The following POC1B variants were observed in gnomAD, a reference collection of about 807,000 sequenced individuals.
The protein encoded by POC1B is POC1 centriolar protein homolog B.
POC1B carries 44 observed loss-of-function variants against 60.6 expected under a neutral mutation model. That is an observed-to-expected ratio of 0.73 (90% CI 0.57 to 0.93). POC1B has a LOEUF of 0.93. Among genes scored for constraint, POC1B ranks in the 40% least tolerant of loss-of-function variants. POC1B has a pLI of 0.00. For synonymous variants in POC1B, 180 were observed against 198.9 expected (o/e 0.90, Z 0.80); for missense variants, 555 against 572.3 (o/e 0.97, Z 0.31).
intron 10 of POC1B, among the ~76,000 whole-genome samples, chr12:89,433,708 G>A (rs913819275): frequency 6.6e-6 from 1 of 152,134 alleles, no homozygotes; most frequent in Middle Eastern, 3.2e-3. Context: ...AGAGTGGGAG[G>A]CTTTACACTA....
At chr12:89,519,373 T>C (rs1484644469) in intron 2 of POC1B, 3 of 152,194 alleles carry the variant, frequency 2.0e-5, no homozygotes, top group Non-Finnish European at 2.9e-5. Flanking sequence ...AATGTATACA[T>C]AGGAGTATGT....
intron 2 of POC1B, chr12:89,501,726 T>C (rs893319595): frequency 5.4e-6 from 5 of 927,032 alleles, no homozygotes; most frequent in East Asian, 4.8e-5. Flanking sequence ...GTCCTGTTTA[T>C]AGCAATTCTT....
At chr12:89,440,449 T>C (rs1195892202) in intron 10 of POC1B, among the ~76,000 whole-genome samples, 1 of 152,176 alleles carries the variant, frequency 6.6e-6, no homozygotes, top group African/African-American at 2.4e-5. Context: ...TATCCCACCT[T>C]GGTGTGAGGA....
chr12:89,480,633 A>G (rs1384177459), intron 4 of POC1B, among the ~76,000 whole-genome samples: 1 of 114,110 alleles, frequency 8.8e-6, no homozygotes, highest in Non-Finnish European at 1.7e-5. Context: ...ACGGAGTCTC[A>G]CTGTCGCCCA....
At chr12:89,423,093 C>T (rs997689402) in intron 11 of POC1B, among the ~76,000 whole-genome samples, 5 of 152,070 alleles carry the variant, frequency 3.3e-5, no homozygotes, top group African/African-American at 1.2e-4. Context: ...CAACCTCTGC[C>T]TCGTGGGCTC....
intron 4 of POC1B, among the ~76,000 whole-genome samples, chr12:89,479,884 T>G (rs1883253360): frequency 1.3e-5 from 2 of 152,340 alleles, no homozygotes; most frequent in Middle Eastern, 3.4e-3. Context: ...GTTTAATTCA[T>G]CTAAATTTTT....
chr12:89,453,194 T>C (rs780960510), intron 10 of POC1B, among the ~76,000 whole-genome samples: 2 of 152,250 alleles, frequency 1.3e-5, no homozygotes, highest in Non-Finnish European at 2.9e-5. Flanking sequence ...GGAATGTTTT[T>C]AAATTGTTTC....
intron 2 of POC1B, among the ~76,000 whole-genome samples, chr12:89,513,947 G>A (rs1018443756): frequency 5.9e-5 from 9 of 152,236 alleles, no homozygotes; most frequent in South Asian, 4.2e-4. Context: ...TTCAGCTTCC[G>A]CAACCATAAA....
chr12:89,494,846 G>A (rs2135740800), intron 3 of POC1B, among the ~76,000 whole-genome samples: 1 of 152,304 alleles, frequency 6.6e-6, no homozygotes, highest in East Asian at 1.9e-4. Context: ...ATGAGGAACA[G>A]AGCCCATCTT....
At chr12:89,525,293 G>C (rs1871355527) in intron 1 of POC1B, 89 bp from the exon 2 acceptor site, 1 of 1,496,904 alleles carries the variant, frequency 6.7e-7, no homozygotes. Context: ...CCCGGAGTCC[G>C]GCTTGGGAAT....
chr12:89,483,101 A>G (rs1388954313), intron 4 of POC1B, among the ~76,000 whole-genome samples: 1 of 151,998 alleles, frequency 6.6e-6, no homozygotes, highest in Admixed American at 6.6e-5. Flanking sequence ...ATTTTAGTAG[A>G]GACGGGATTT....
At chr12:89,443,516 C>T (rs1304968033) in intron 10 of POC1B, among the ~76,000 whole-genome samples, 8 of 151,574 alleles carry the variant, frequency 5.3e-5, no homozygotes, top group East Asian at 3.9e-4. Context: ...GGGTACATAA[C>T]GAAATGAAGG....
intron 4 of POC1B, among the ~76,000 whole-genome samples, chr12:89,483,178 A>C (rs931397567): frequency 6.6e-6 from 1 of 152,158 alleles, no homozygotes; most frequent in African/African-American, 2.4e-5. Context: ...CTGGGATTAC[A>C]GGTGTGAGCT....
chr12:89,439,661 G>C (rs1303408434), intron 10 of POC1B, among the ~76,000 whole-genome samples: 1 of 152,162 alleles, frequency 6.6e-6, no homozygotes, highest in Non-Finnish European at 1.5e-5. Flanking sequence ...CTGGAGTGAA[G>C]TGGCATGATC....
downstream of POC1B, among the ~76,000 whole-genome samples, chr12:89,419,308 C>T (rs765545549): frequency 1.3e-5 from 2 of 151,762 alleles, no homozygotes; most frequent in Non-Finnish European, 1.5e-5. Flanking sequence ...AAGGAGATTC[C>T]TCAAATGCTA....
intron 9 of POC1B, 162 bp from the exon 10 acceptor site, chr12:89,459,880 T>A: frequency 2.1e-6 from 1 of 479,850 alleles, no homozygotes; most frequent in Non-Finnish European, 3.7e-6. Flanking sequence ...AATGTTAGCC[T>A]ACCAATTCTA....
chr12:89,501,434 T>C, intron 2 of POC1B: 1 of 976,794 alleles, frequency 1.0e-6, no homozygotes, highest in Non-Finnish European at 1.6e-6. Flanking sequence ...GATGAAAACA[T>C]ACATATGTCA....
At chr12:89,510,760 A>ATTATTTT (rs1870138240) in intron 2 of POC1B, among the ~76,000 whole-genome samples, 1 of 65,178 alleles carries the variant, frequency 1.5e-5, no homozygotes. Context: ...ATATGTTTTT[A>ATTATTTT]TTCTTTTTTT....
At chr12:89,507,543 A>G (rs558822179) in intron 2 of POC1B, among the ~76,000 whole-genome samples, 25 of 152,238 alleles carry the variant, frequency 1.6e-4, no homozygotes, top group Admixed American at 5.9e-4. Flanking sequence ...TCGAGATAAA[A>G]TGTCAAAAGG....
Sources: allele counts gnomAD v4.1 joint callset (sites outside exome capture counted in the v4.1 genomes callset), GRCh38; gene constraint gnomAD v4.1.1; transcripts MANE v1.5; gene names NCBI Gene and HGNC (gene_info 2026-07-23, HGNC 2026-07-21).